Variants in TUBGCP3 observed in about 807,000 individuals in gnomAD.
TUBGCP3 encodes gamma-tubulin complex component 3.
A neutral mutation model predicts 123.1 loss-of-function variants in TUBGCP3; 50 were observed. The observed-to-expected ratio is 0.41, with a 90% confidence interval of 0.32 to 0.51. The LOEUF is 0.51. Ranked by LOEUF, TUBGCP3 falls within the 20% of genes least tolerant of loss-of-function variation. The pLI is 0.36. For missense variants in TUBGCP3, 882 were observed against 1,127.0 expected (o/e 0.78, Z 3.11); for synonymous variants, 405 against 413.9 (o/e 0.98, Z 0.26).
intron 3 of TUBGCP3, among the ~76,000 whole-genome samples, chr13:112,562,404 G>A (rs952632436): frequency 1.3e-5 from 2 of 152,222 alleles, no homozygotes; most frequent in Non-Finnish European, 2.9e-5. Context: ...CAGGGTCCAG[G>A]AGGGCCCAAC....
At chr13:112,559,256 C>T (rs889050143) in intron 4 of TUBGCP3, 66 bp downstream of exon 4, 22 of 1,336,942 alleles carry the variant, frequency 1.6e-5, no homozygotes, top group Admixed American at 8.6e-5. Flanking sequence ...CTGCAGAAGC[C>T]GTTTCCTATC....
intron 2 of TUBGCP3, among the ~76,000 whole-genome samples, chr13:112,565,822 C>A (rs1291477692): frequency 6.6e-6 from 1 of 151,984 alleles, no homozygotes; most frequent in Non-Finnish European, 1.5e-5. Context: ...GTAGTCCCAG[C>A]CACCTGGGAG....
chr13:112,553,729 C>T (rs1879791477), intron 8 of TUBGCP3, among the ~76,000 whole-genome samples: 1 of 152,206 alleles, frequency 6.6e-6, no homozygotes, highest in Non-Finnish European at 1.5e-5. Flanking sequence ...CCTCCTCAAC[C>T]TTCTGGAGGA....
At chr13:112,501,992 T>C (rs1249618214) in intron 19 of TUBGCP3, among the ~76,000 whole-genome samples, 3 of 152,108 alleles carry the variant, frequency 2.0e-5, no homozygotes, top group African/African-American at 7.2e-5. Flanking sequence ...CTGTGTGGAG[T>C]GTTACTTATT....
intron 3 of TUBGCP3, among the ~76,000 whole-genome samples, chr13:112,564,054 A>G (rs1880756843): frequency 7.1e-6 from 1 of 140,134 alleles, no homozygotes; most frequent in Non-Finnish European, 1.6e-5. Flanking sequence ...GGTTTTAAAA[A>G]TGGAGAAAGA....
At chr13:112,505,836 C>T (rs1159498689) in intron 17 of TUBGCP3, among the ~76,000 whole-genome samples, 1 of 152,176 alleles carries the variant, frequency 6.6e-6, no homozygotes, top group Non-Finnish European at 1.5e-5. Flanking sequence ...GACCCTGGCA[C>T]CCGGTCTCCA....
intron 21 of TUBGCP3, 26 bp downstream of exon 21, chr13:112,489,555 G>C: frequency 4.7e-6 from 7 of 1,489,592 alleles, no homozygotes; most frequent in Non-Finnish European, 6.6e-6. Flanking sequence ...GTGGTGTGAA[G>C]AGCCACTCTG....
chr13:112,489,916 T>C, intron 20 of TUBGCP3: 1 of 563,274 alleles, frequency 1.8e-6, no homozygotes, highest in Non-Finnish European at 3.1e-6. Context: ...TGAACACATT[T>C]GAGACTGCCT....
chr13:112,580,091 T>C (rs1309298210), intron 1 of TUBGCP3, among the ~76,000 whole-genome samples: 2 of 152,220 alleles, frequency 1.3e-5, no homozygotes, highest in African/African-American at 2.4e-5. Flanking sequence ...GACTGAACAC[T>C]GTATGACTGC....
chr13:112,550,834 C>T (rs774921493), intron 8 of TUBGCP3, among the ~76,000 whole-genome samples: 1 of 152,186 alleles, frequency 6.6e-6, no homozygotes. Flanking sequence ...TGCGGTGGCT[C>T]ACGCCTGTAA....
chr13:112,558,077 T>C (rs1394808604), intron 5 of TUBGCP3, 119 bp downstream of exon 5: 2 of 1,113,580 alleles, frequency 1.8e-6, no homozygotes, highest in African/African-American at 1.6e-5. Flanking sequence ...CCCAGAACAC[T>C]GTCTGGCACG....
chr13:112,497,344 C>A (rs775001256), intron 20 of TUBGCP3, among the ~76,000 whole-genome samples: 25 of 152,208 alleles, frequency 1.6e-4, no homozygotes, highest in Non-Finnish European at 2.6e-4. Context: ...GCCAACTCTA[C>A]AACACTTCAG....
At chr13:112,544,575 T>C (rs1566564820) in intron 11 of TUBGCP3, 2 of 151,438 alleles carry the variant, frequency 1.3e-5, no homozygotes. Flanking sequence ...TTCATTTTAA[T>C]ACTGTTCATA....
chr13:112,535,861 T>C (rs1013545573), intron 11 of TUBGCP3, among the ~76,000 whole-genome samples: 1 of 152,220 alleles, frequency 6.6e-6, no homozygotes, highest in African/African-American at 2.4e-5. Flanking sequence ...GTCCCAAAGA[T>C]TTACCACTAT....
At chr13:112,596,461 C>A in the TUBGCP3 span, among the ~76,000 whole-genome samples, 1 of 152,140 alleles carries the variant, frequency 6.6e-6, no homozygotes, top group Admixed American at 6.5e-5. Flanking sequence ...GAGAACTTTT[C>A]TTTCATTCAA....
In TUBGCP3 at chr13:112,544,181, C is replaced by T. The variant is rs192325161; in HGVS notation, c.1335+1518G>A. On this transcript the variant is annotated intron_variant, in intron 11 of 21. Coordinates refer to ENST00000261965, the MANE Select transcript of TUBGCP3 (RefSeq NM_006322.6). ...AATATGCATCCCCACAGGCCGGGCG[C>T]AGTGGCTCACGCCTGTAATCCCAGC... Among the ~76,000 whole-genome samples the T allele has an allele frequency of 7.6e-4, 116 of 152,084 alleles. 1 individual carries two copies. Among genetic ancestry groups the T allele is most frequent in the African/African-American group, 2.2e-3 (91 of 41,470 alleles).
At chr13:112,535,377 G>A (rs1482637739) in intron 11 of TUBGCP3, among the ~76,000 whole-genome samples, 1 of 152,164 alleles carries the variant, frequency 6.6e-6, no homozygotes, top group Non-Finnish European at 1.5e-5. Flanking sequence ...CTGCTTTCCA[G>A]AGGGGCTGCA....
At chr13:112,518,388 T>A (rs796562697) in intron 16 of TUBGCP3, among the ~76,000 whole-genome samples, 8 of 152,280 alleles carry the variant, frequency 5.3e-5, no homozygotes, top group African/African-American at 1.9e-4. Flanking sequence ...ATGACTGAAG[T>A]AAGTTTAGAG....
At chr13:112,536,299 C>T (rs1594161178) in intron 11 of TUBGCP3, among the ~76,000 whole-genome samples, 1 of 152,242 alleles carries the variant, frequency 6.6e-6, no homozygotes, top group Admixed American at 6.5e-5. Context: ...TTTTGATAGA[C>T]ATTGCATTGA....
Sources: gnomAD v4.1 joint callset for allele counts (sites outside exome capture counted in the v4.1 genomes callset) on GRCh38, gnomAD v4.1.1 for gene constraint, MANE v1.5 for transcripts, NCBI Gene and HGNC (gene_info 2026-07-23, HGNC 2026-07-21) for gene names.